The following OLA1 variants were observed in gnomAD, a reference collection of about 807,000 sequenced individuals.
The protein encoded by OLA1 is Obg like ATPase 1, also known as obg-like ATPase 1.
OLA1 carries 14 observed loss-of-function variants against 48.4 expected under a neutral mutation model. That is an observed-to-expected ratio of 0.29 (90% CI 0.19 to 0.45). The LOEUF is 0.45. OLA1 is among the 20% of genes least tolerant of loss of function. The pLI is 1.00. For missense variants in OLA1, 325 were observed against 467.1 expected, an observed-to-expected ratio of 0.70 and a Z score of 2.80; for synonymous variants, 127 against 150.4, an observed-to-expected ratio of 0.84 and a Z score of 1.14.
chr2:174,234,141 A>G (rs754658685), intron 2 of OLA1, among the ~76,000 whole-genome samples: 2 of 151,750 alleles, frequency 1.3e-5, no homozygotes, highest in Non-Finnish European at 2.9e-5. Context: ...TCCTCAACCC[A>G]CTCAACATGA....
At chr2:174,162,904 G>T (rs747998492) in intron 4 of OLA1, among the ~76,000 whole-genome samples, 1 of 152,118 alleles carries the variant, frequency 6.6e-6, no homozygotes, top group Non-Finnish European at 1.5e-5. Flanking sequence ...AATTAACTGG[G>T]TGTGGTGGAA....
chr2:174,214,938 T>A (rs1306016746), intron 4 of OLA1, among the ~76,000 whole-genome samples: 1 of 151,712 alleles, frequency 6.6e-6, no homozygotes, highest in Non-Finnish European at 1.5e-5. Context: ...GAATTCCAGC[T>A]ACTGGGGAGG....
Position 174,072,833 on chromosome 2 carries a change from AAGTT to A in OLA1, c.*2589_*2592del, listed in dbSNP as rs1454660574. On this transcript the variant is annotated 3_prime_UTR_variant, in exon 11 of 11. Coordinates refer to ENST00000284719, the MANE Select transcript of OLA1 (RefSeq NM_013341.5). ...GTGAACAGAGGCTTCACTCATAACT[AAGTT>A]AGCGACAAAAACTATTTGTGCTTCC... is the stretch of plus-strand genomic sequence containing the variant. The A allele has an allele frequency of 2.6e-5, 4 of 152,254 alleles. No individual in the cohort carries two copies. Among genetic ancestry groups the A allele is most frequent in the Non-Finnish European group, 4.4e-5 (3 of 68,042 alleles). The allele number at this position is 152,254 out of a possible 1,614,324, so 9.4% of individuals were successfully genotyped here.
intron 4 of OLA1, among the ~76,000 whole-genome samples, chr2:174,161,036 ATTTG>A (rs1289571960): frequency 6.6e-6 from 1 of 152,224 alleles, no homozygotes; most frequent in African/African-American, 2.4e-5. Context: ...TGGAAAGATT[ATTTG>A]TTTAACTCAG....
intron 4 of OLA1, among the ~76,000 whole-genome samples, chr2:174,154,471 T>C (rs1198952269): frequency 2.0e-5 from 3 of 152,124 alleles, no homozygotes; most frequent in Admixed American, 2.0e-4. Flanking sequence ...ACTGACTTTT[T>C]TGGGCCTAAA....
intron 10 of OLA1, among the ~76,000 whole-genome samples, chr2:174,076,754 T>C (rs933419168): frequency 9.3e-5 from 14 of 151,308 alleles, no homozygotes; most frequent in Non-Finnish European, 1.8e-4. Flanking sequence ...CATATGTGTG[T>C]GTGTGTATAC....
intron 2 of OLA1, among the ~76,000 whole-genome samples, chr2:174,245,949 C>A (rs1310929747): frequency 6.6e-6 from 1 of 151,792 alleles, no homozygotes; most frequent in South Asian, 2.1e-4. Flanking sequence ...TTATGATAAA[C>A]CCCACATATA....
chr2:174,128,340 G>T (rs1161682949), intron 5 of OLA1, among the ~76,000 whole-genome samples: 1 of 151,860 alleles, frequency 6.6e-6, no homozygotes, highest in Non-Finnish European at 1.5e-5. Flanking sequence ...GTATGAGGCT[G>T]CAGCAAACTA....
At chr2:174,151,472 T>C (rs760831444) in intron 4 of OLA1, among the ~76,000 whole-genome samples, 2 of 152,218 alleles carry the variant, frequency 1.3e-5, no homozygotes, top group African/African-American at 2.4e-5. Flanking sequence ...GTAAATGTTT[T>C]GAGTATTTAT....
Position 174,115,526 on chromosome 2 carries a change from T to G in OLA1, c.728+7654A>C, listed in dbSNP as rs114563686. 1.0e-3 allele frequency among the ~76,000 whole-genome samples: 157 copies of G among 152,362 alleles called. 1 individual carries two copies. Among genetic ancestry groups the G allele is most frequent in the African/African-American group, 3.6e-3 (151 of 41,582 alleles). On this transcript the variant is annotated intron_variant, in intron 7 of 10. Transcript: ENST00000284719. ...TTTTAGAACACATTTAGAACATGTT[T>G]AAAATGTTTCAATGGTATGTACTTA...
At chr2:174,156,282 C>CTA (rs1486640485) in intron 4 of OLA1, among the ~76,000 whole-genome samples, 2 of 152,096 alleles carry the variant, frequency 1.3e-5, no homozygotes. Flanking sequence ...CCTCTATAAA[C>CTA]TAGATGCCAG....
At chr2:174,130,566 C>T (rs1239498226) in intron 5 of OLA1, among the ~76,000 whole-genome samples, 3 of 152,276 alleles carry the variant, frequency 2.0e-5, no homozygotes, top group African/African-American at 7.2e-5. Flanking sequence ...GCATAGATCT[C>T]AGCAAAGGAT....
rs1024766907 is a variant in OLA1 at position 174,072,824 on chromosome 2, C to T, written c.*2602G>A. The T allele has an allele frequency of 6.6e-6, 1 of 152,226 alleles. No individual in the cohort carries two copies. Among genetic ancestry groups the T allele is most frequent in the Admixed American group, 6.5e-5 (1 of 15,278 alleles). The allele number at this position is 152,226 out of a possible 1,614,324, so 9.4% of individuals were successfully genotyped here. A position where few individuals can be genotyped will look rare whatever the true frequency, so the allele number is the denominator to read the frequency against. ...AAGTTATAAGTGAACAGAGGCTTCA[C>T]TCATAACTAAGTTAGCGACAAAAAC... is the stretch of plus-strand genomic sequence containing the variant. On this transcript the variant is annotated 3_prime_UTR_variant, in exon 11 of 11. Coordinates refer to ENST00000284719, the MANE Select transcript of OLA1 (RefSeq NM_013341.5).
chr2:174,129,538 TG>T (rs1466883865), intron 5 of OLA1, among the ~76,000 whole-genome samples: 2 of 151,104 alleles, frequency 1.3e-5, no homozygotes, highest in Non-Finnish European at 2.9e-5. Context: ...ATTCCATTTA[TG>T]GTTTTGAAAC....
At chr2:174,075,956 T>C (rs1202502653) in intron 10 of OLA1, among the ~76,000 whole-genome samples, 1 of 152,210 alleles carries the variant, frequency 6.6e-6, no homozygotes. Flanking sequence ...TTGGTGACAC[T>C]GGTGATGCCA....
intron 3 of OLA1, among the ~76,000 whole-genome samples, chr2:174,224,977 T>C (rs914815308): frequency 2.0e-5 from 3 of 152,300 alleles, no homozygotes; most frequent in Non-Finnish European, 2.9e-5. Flanking sequence ...ATGATAAATA[T>C]GAAGTTGATA....
intron 10 of OLA1, among the ~76,000 whole-genome samples, chr2:174,078,059 T>C (rs1211318073): frequency 6.6e-6 from 1 of 151,972 alleles, no homozygotes; most frequent in Non-Finnish European, 1.5e-5. Flanking sequence ...ACCAAGATTT[T>C]CCCCCTCCTC....
At chr2:174,242,438 T>C (rs1272447124) in intron 2 of OLA1, among the ~76,000 whole-genome samples, 1 of 152,164 alleles carries the variant, frequency 6.6e-6, no homozygotes, top group Non-Finnish European at 1.5e-5. Flanking sequence ...CCTCCTGCCA[T>C]GCAGCCTGGT....
intron 7 of OLA1, among the ~76,000 whole-genome samples, chr2:174,089,926 T>C (rs1294616353): frequency 1.4e-5 from 2 of 143,256 alleles, no homozygotes; most frequent in Non-Finnish European, 3.1e-5. Flanking sequence ...AAAAAGGACA[T>C]AATTATGCTT....
Sources: allele counts gnomAD v4.1 joint callset (sites outside exome capture counted in the v4.1 genomes callset), GRCh38; gene constraint gnomAD v4.1.1; transcripts MANE v1.5; gene names NCBI Gene and HGNC (gene_info 2026-07-23, HGNC 2026-07-21).